The following TBCK variants were observed in gnomAD, a reference collection of about 807,000 sequenced individuals.
The protein encoded by TBCK is TBC1 domain containing kinase, also known as TBC domain-containing protein kinase-like protein.
Under a neutral mutation model 113.4 loss-of-function variants are expected in TBCK, and 99 were observed. The ratio of observed to expected loss-of-function variants is 0.87; its 90% CI spans 0.74 to 1.03. TBCK has a LOEUF of 1.03. Ranked by LOEUF, TBCK falls within the 50% of genes least tolerant of loss-of-function variation. The pLI, the probability that TBCK is intolerant of heterozygous loss-of-function variation, is 0.00. For missense variants in TBCK, 1,045 were observed against 1,061.3 expected, an observed-to-expected ratio of 0.98 and a Z score of 0.21; for synonymous variants, 369 against 370.8, an observed-to-expected ratio of 1.00 and a Z score of 0.05.
chr4:106,215,249 C>T (rs769941733), intron 19 of TBCK, among the ~76,000 whole-genome samples: 73 of 151,880 alleles, frequency 4.8e-4, no homozygotes, highest in Non-Finnish European at 6.6e-4. Flanking sequence ...CGGTACCAGC[C>T]GCTGCAAAAT....
At chr4:106,176,007 T>G (rs1751621515) in intron 22 of TBCK, among the ~76,000 whole-genome samples, 1 of 152,078 alleles carries the variant, frequency 6.6e-6, no homozygotes, top group South Asian at 2.1e-4. Context: ...GATGGCTTGG[T>G]TTTTCTACTT....
chr4:106,213,408 CCTGAG>C (rs1210520358), intron 19 of TBCK: 2 of 156,092 alleles, frequency 1.3e-5, no homozygotes, highest in Non-Finnish European at 2.8e-5. Flanking sequence ...CAGCTCCCAG[CCTGAG>C]CGACGCAGAA....
At chr4:106,083,202 G>A (rs559319161) in intron 25 of TBCK, among the ~76,000 whole-genome samples, 66 of 152,332 alleles carry the variant, frequency 4.3e-4, no homozygotes, top group Admixed American at 1.0e-3. Context: ...GGCAGGGGAA[G>A]CGTGGCACCC....
intron 23 of TBCK, among the ~76,000 whole-genome samples, chr4:106,157,534 C>CCA: frequency 6.6e-6 from 1 of 152,112 alleles, no homozygotes; most frequent in Middle Eastern, 3.2e-3. Context: ...CTGGGATGGG[C>CCA]AATTCCCCTC....
intron 9 of TBCK, 40 bp from the exon 10 acceptor site, chr4:106,247,327 T>C: frequency 1.3e-6 from 2 of 1,592,590 alleles, no homozygotes; most frequent in Non-Finnish European, 1.7e-6. Flanking sequence ...ATGAAAGTCA[T>C]AAAAAATTTC....
At chr4:106,302,054 C>T (rs1010144661) in intron 2 of TBCK, among the ~76,000 whole-genome samples, 2 of 152,180 alleles carry the variant, frequency 1.3e-5, no homozygotes, top group African/African-American at 4.8e-5. Context: ...ATTCCTTATA[C>T]ACACAACTTT....
At chr4:106,064,304 C>T (rs770182302) in intron 25 of TBCK, among the ~76,000 whole-genome samples, 2 of 151,850 alleles carry the variant, frequency 1.3e-5, no homozygotes, top group Admixed American at 6.6e-5. Context: ...ATCAGTTACT[C>T]ACACTGTTTA....
At chr4:106,143,252 T>G (rs1332154935) in intron 23 of TBCK, among the ~76,000 whole-genome samples, 2 of 152,164 alleles carry the variant, frequency 1.3e-5, no homozygotes, top group East Asian at 3.9e-4. Context: ...TGGCTCTGGG[T>G]GTTTTTCCTG....
intron 24 of TBCK, among the ~76,000 whole-genome samples, chr4:106,105,652 AC>A (rs1340073288): frequency 6.6e-6 from 1 of 152,184 alleles, no homozygotes; most frequent in East Asian, 1.9e-4. Flanking sequence ...AAAATACCTC[AC>A]TAACGTAACC....
intron 23 of TBCK, among the ~76,000 whole-genome samples, chr4:106,130,950 G>A (rs6836198): frequency 0.4 from 61,153 of 151,916 alleles, 12,610 homozygotes; most frequent in African/African-American, 0.48. Context: ...ATGTTAAAAA[G>A]ATAATAAATA....
intron 5 of TBCK, among the ~76,000 whole-genome samples, chr4:106,255,695 C>T (rs1055355523): frequency 3.3e-5 from 5 of 152,178 alleles, no homozygotes; most frequent in African/African-American, 4.8e-5. Context: ...TCTTTCCTTG[C>T]CACCCGCAAT....
At chr4:106,143,318 G>A (rs562232711) in intron 23 of TBCK, among the ~76,000 whole-genome samples, 1 of 152,088 alleles carries the variant, frequency 6.6e-6, no homozygotes, top group Non-Finnish European at 1.5e-5. Context: ...AGACACTTGT[G>A]CATACTTCAA....
Position 106,285,408 on chromosome 4 carries a change from A to G in TBCK, c.266+9686T>C, listed in dbSNP as rs78909799. Among the ~76,000 whole-genome samples the G allele has an allele frequency of 3.3e-4, 50 of 152,262 alleles. 1 individual carries two copies. In the East Asian group the frequency reaches 9.3e-3, roughly 28 times the overall value. Reference sequence around the variant, plus strand: ...AGGCTTAAATTGTAATTATTCCCATAGTAGTAGCAAATTACTACTATGACA... The same window carrying G: ...AGGCTTAAATTGTAATTATTCCCATGGTAGTAGCAAATTACTACTATGACA... On this transcript the variant is annotated intron_variant, in intron 3 of 25. Transcript: ENST00000394708.
chr4:106,177,518 C>G (rs1358163372), intron 22 of TBCK, among the ~76,000 whole-genome samples: 1 of 151,756 alleles, frequency 6.6e-6, no homozygotes, highest in Non-Finnish European at 1.5e-5. Flanking sequence ...TGGTGAGAGA[C>G]AGGGGTCTAG....
chr4:106,072,584 T>C (rs2149479341), intron 25 of TBCK, among the ~76,000 whole-genome samples: 1 of 152,298 alleles, frequency 6.6e-6, no homozygotes, highest in Non-Finnish European at 1.5e-5. Flanking sequence ...TTGGGGTTGC[T>C]CTTCTCAAGG....
intron 19 of TBCK, among the ~76,000 whole-genome samples, chr4:106,223,369 C>T (rs1031753746): frequency 6.6e-6 from 1 of 152,092 alleles, no homozygotes; most frequent in African/African-American, 2.4e-5. Context: ...CCTCTTTCTC[C>T]TTCCAAGAGT....
At chr4:106,181,317 T>C (rs1017985946) in intron 22 of TBCK, among the ~76,000 whole-genome samples, 2 of 152,194 alleles carry the variant, frequency 1.3e-5, no homozygotes, top group East Asian at 3.8e-4. Context: ...ATTCTGTAGG[T>C]TGCCTGTTCA....
chr4:106,144,708 T>G (rs1171646509), intron 23 of TBCK, among the ~76,000 whole-genome samples: 1 of 152,194 alleles, frequency 6.6e-6, no homozygotes, highest in African/African-American at 2.4e-5. Flanking sequence ...CTTGCTTCTT[T>G]ACATTTCTCC....
At chr4:106,065,629 T>C (rs1356486445) in intron 25 of TBCK, among the ~76,000 whole-genome samples, 2 of 151,980 alleles carry the variant, frequency 1.3e-5, no homozygotes, top group African/African-American at 4.8e-5. Context: ...GTACCATACA[T>C]TTCAGAGATC....
Sources: allele counts gnomAD v4.1 joint callset (sites outside exome capture counted in the v4.1 genomes callset), GRCh38; gene constraint gnomAD v4.1.1; transcripts MANE v1.5; gene names NCBI Gene and HGNC (gene_info 2026-07-23, HGNC 2026-07-21).